Variants in TMEM132C observed in about 807,000 individuals in gnomAD.
The protein encoded by TMEM132C is transmembrane protein 132C.
In TMEM132C, 29 loss-of-function variants were observed where a neutral mutation model predicts 61.4. The ratio of observed to expected loss-of-function variants is 0.47; its 90% CI spans 0.35 to 0.64. The LOEUF (loss-of-function observed/expected upper bound fraction) is 0.64. Ranked by LOEUF, TMEM132C falls within the 30% of genes least tolerant of loss-of-function variation. The pLI is 0.00. For synonymous variants in TMEM132C, 656 were observed against 633.1 expected, an observed-to-expected ratio of 1.04 and a Z score of -0.54; for missense variants, 1,408 against 1,476.9, an observed-to-expected ratio of 0.95 and a Z score of 0.76.
chr12:128,480,565 T>TC (rs1354160317), intron 2 of TMEM132C, among the ~76,000 whole-genome samples: 1 of 152,088 alleles, frequency 6.6e-6, no homozygotes, highest in African/African-American at 2.4e-5. Flanking sequence ...GAGGCTGCAG[T>TC]CCCCGTTGCT....
At chr12:128,455,714 A>G (rs920650053) in intron 2 of TMEM132C, among the ~76,000 whole-genome samples, 14 of 152,174 alleles carry the variant, frequency 9.2e-5, no homozygotes, top group African/African-American at 3.1e-4. Flanking sequence ...GTGTTTATAG[A>G]TGACAGGTTG....
At chr12:128,584,523 C>A (rs986343000) in intron 3 of TMEM132C, among the ~76,000 whole-genome samples, 1 of 152,168 alleles carries the variant, frequency 6.6e-6, no homozygotes. Context: ...GGTTGGTTTC[C>A]TACCTTTTGT....
intron 1 of TMEM132C, among the ~76,000 whole-genome samples, chr12:128,306,206 CTT>C (rs34273117): frequency 5.1e-5 from 7 of 136,912 alleles, no homozygotes; most frequent in Admixed American, 7.4e-5. Flanking sequence ...TGAAGAAATT[CTT>C]TTTTTTTTTT....
At chr12:128,642,841 A>G (rs1954167919) in intron 4 of TMEM132C, among the ~76,000 whole-genome samples, 4 of 152,260 alleles carry the variant, frequency 2.6e-5, no homozygotes, top group Admixed American at 2.6e-4. Context: ...CACACAACTC[A>G]GAAGCAGCAG....
chr12:128,411,286 C>T (rs1482368698), intron 1 of TMEM132C, among the ~76,000 whole-genome samples: 1 of 152,152 alleles, frequency 6.6e-6, no homozygotes, highest in East Asian at 1.9e-4. Flanking sequence ...ACTCATGAAA[C>T]CCTCACCGGA....
chr12:128,344,418 A>C (rs1352830586), intron 1 of TMEM132C, among the ~76,000 whole-genome samples: 1 of 152,150 alleles, frequency 6.6e-6, no homozygotes, highest in African/African-American at 2.4e-5. Context: ...TCGGCCTCCC[A>C]AAGTGCTGGG....
chr12:128,620,643 G>T (rs970528955), intron 4 of TMEM132C, among the ~76,000 whole-genome samples: 1 of 152,158 alleles, frequency 6.6e-6, no homozygotes, highest in African/African-American at 2.4e-5. Context: ...TTGCCCCCGG[G>T]ACTGATATAT....
At chr12:128,448,356 GTCT>G (rs1870061771) in intron 2 of TMEM132C, among the ~76,000 whole-genome samples, 1 of 152,196 alleles carries the variant, frequency 6.6e-6, no homozygotes, top group African/African-American at 2.4e-5. Flanking sequence ...CGCTGGGCAG[GTCT>G]TCTGCTCTTG....
intron 2 of TMEM132C, among the ~76,000 whole-genome samples, chr12:128,508,526 T>G (rs899537532): frequency 6.6e-5 from 10 of 152,182 alleles, no homozygotes; most frequent in African/African-American, 2.2e-4. Context: ...TCAGTGGGGT[T>G]TGCCTCCTGT....
At chr12:128,302,596 C>A (rs1481571452) in intron 1 of TMEM132C, among the ~76,000 whole-genome samples, 1 of 152,100 alleles carries the variant, frequency 6.6e-6, no homozygotes, top group Non-Finnish European at 1.5e-5. Context: ...AATTTGGTAG[C>A]AAGTTTTTAT....
In TMEM132C at chr12:128,622,360, AATATATATATATATATATATAT is replaced by A. The variant is rs767066742; in HGVS notation, c.1305+6045_1305+6066del. 2.7e-4 allele frequency among the ~76,000 whole-genome samples: 8 copies of A among 30,116 alleles called. 1 individual carries two copies. The highest frequency in any genetic ancestry group is 5.0e-4 in the African/African-American group (3 of 6,060). 19.8% of individuals were successfully genotyped at this position (30,116 alleles called of 152,430 possible). On this transcript the variant is annotated intron_variant, in intron 4 of 8. Transcript: ENST00000435159. Reference sequence around the variant, plus strand: ...CTTTGTCTCAAAAAAAAAAAAAAAAAATATATATATATATATATATATATATATATATATATATATAACCAGG... The same window carrying A: ...CTTTGTCTCAAAAAAAAAAAAAAAAAATATATATATATATATATAACCAGG...
At chr12:128,645,872 G>A (rs1011077751) in intron 4 of TMEM132C, among the ~76,000 whole-genome samples, 2 of 151,658 alleles carry the variant, frequency 1.3e-5, no homozygotes, top group African/African-American at 4.9e-5. Context: ...TGCTGGATGT[G>A]AGTGTGTTTA....
chr12:128,525,055 C>G (rs1022143937), intron 2 of TMEM132C, among the ~76,000 whole-genome samples: 1 of 152,204 alleles, frequency 6.6e-6, no homozygotes, highest in African/African-American at 2.4e-5. Flanking sequence ...GCTCAATGCC[C>G]AGTAGCCTCC....
intron 2 of TMEM132C, among the ~76,000 whole-genome samples, chr12:128,519,599 T>C (rs546751704): frequency 6.6e-6 from 1 of 152,364 alleles, no homozygotes; most frequent in East Asian, 1.9e-4. Flanking sequence ...GGACTAAGCC[T>C]TCCTTATTAC....
chr12:128,627,800 C>G (rs1270835536), intron 4 of TMEM132C, among the ~76,000 whole-genome samples: 1 of 152,186 alleles, frequency 6.6e-6, no homozygotes, highest in Admixed American at 6.5e-5. Context: ...GCCGAGGAGT[C>G]AGGCCTCCGT....
At chr12:128,271,163 A>G (rs2135888769) in intron 1 of TMEM132C, among the ~76,000 whole-genome samples, 2 of 152,018 alleles carry the variant, frequency 1.3e-5, no homozygotes, top group East Asian at 1.9e-4. Flanking sequence ...CTGAGGCATG[A>G]GAATTGCTTG....
At chr12:128,468,511 G>A (rs1029392195) in intron 2 of TMEM132C, among the ~76,000 whole-genome samples, 1 of 151,968 alleles carries the variant, frequency 6.6e-6, no homozygotes, top group Non-Finnish European at 1.5e-5. Flanking sequence ...TAGAGACCGG[G>A]TTTCTCCATG....
At chr12:128,517,226 G>C (rs568009299) in intron 2 of TMEM132C, among the ~76,000 whole-genome samples, 1 of 121,362 alleles carries the variant, frequency 8.2e-6, no homozygotes, top group African/African-American at 3.0e-5. Context: ...GCAAGACTCC[G>C]TCTCAACAAA....
intron 4 of TMEM132C, among the ~76,000 whole-genome samples, chr12:128,669,022 T>A (rs1954504218): frequency 6.6e-6 from 1 of 152,190 alleles, no homozygotes; most frequent in African/African-American, 2.4e-5. Context: ...ATGGATATCT[T>A]TTGCAGGAGG....
Sources: gnomAD v4.1 joint callset for allele counts (sites outside exome capture counted in the v4.1 genomes callset) on GRCh38, gnomAD v4.1.1 for gene constraint, MANE v1.5 for transcripts, NCBI Gene and HGNC (gene_info 2026-07-23, HGNC 2026-07-21) for gene names.